The following MEGF6 variants were observed in gnomAD, a reference collection of about 807,000 sequenced individuals.
MEGF6 encodes the protein multiple EGF like domains 6, also known as multiple epidermal growth factor-like domains protein 6.
A neutral mutation model predicts 207.1 loss-of-function variants in MEGF6; 184 were observed. The observed-to-expected ratio is 0.89, with a 90% CI of 0.79 to 1.00. MEGF6 has a LOEUF of 1.00. Ranked by LOEUF, MEGF6 falls within the 50% of genes least tolerant of loss-of-function variation. The pLI is 0.00. For synonymous variants in MEGF6, 1,038 were observed against 910.0 expected (o/e 1.14, Z -2.53); for missense variants, 2,282 against 2,202.9 (o/e 1.04, Z -0.72).
At chr1:3,501,334 A>G (rs1640855111) in intron 18 of MEGF6, 26 bp from the exon 19 acceptor site, 2 of 1,580,246 alleles carry the variant, frequency 1.3e-6, no homozygotes, top group Non-Finnish European at 8.6e-7. Flanking sequence ...ATGGCCAGTC[A>G]GTGCCCAAGC....
At position 3,496,709 on chromosome 1, in the gene MEGF6, C is replaced by T. The variant is rs1343009518; in HGVS notation, c.3688G>A (p.Ala1230Thr). Residue 1230 changes from alanine to threonine, a missense_variant, in exon 29 of 37, where the codon GCC becomes ACC. Coordinates refer to ENST00000356575, the MANE Select transcript of MEGF6 (RefSeq NM_001409.4). ...GCLNGGSCDA[A>T]TGACRCPTGF... Reference sequence around the variant, plus strand: ...GTGGGGCAGCGGCAGGCCCCCGTGGCCGCATCACAGGAGCCCCCGTTGAGA... The same window carrying T: ...GTGGGGCAGCGGCAGGCCCCCGTGGTCGCATCACAGGAGCCCCCGTTGAGA... 3.8e-6 allele frequency: 6 copies of T among 1,560,438 alleles called. No individual in the cohort carries two copies. Among genetic ancestry groups the T allele is most frequent in the Non-Finnish European group, 4.3e-6 (5 of 1,152,936 alleles).
the MEGF6 span, among the ~76,000 whole-genome samples, chr1:3,620,395 G>C: frequency 3.3e-5 from 5 of 152,358 alleles, no homozygotes; most frequent in Admixed American, 6.5e-5. Flanking sequence ...AGAGGCCTTG[G>C]GGGCAAAATC....
chr1:3,615,749 A>AC (rs574071809), upstream of MEGF6, among the ~76,000 whole-genome samples: 104 of 151,694 alleles, frequency 6.9e-4, no homozygotes, highest in African/African-American at 2.4e-3. Flanking sequence ...CAGCCTCTCC[A>AC]CCCCCCACCC....
At position 3,611,193 on chromosome 1, in the gene MEGF6, C is replaced by G; in HGVS notation, c.76G>C (p.Val26Leu). 1.3e-6 allele frequency: 2 copies of G among 1,551,434 alleles called. No individual in the cohort carries two copies. Among genetic ancestry groups the G allele is most frequent in the African/African-American group, 1.4e-5 (1 of 70,868 alleles). Reference sequence around the variant, plus strand: ...GGCGGAACGCTGGCGCCCACGGGCACGGCGGGGAGCAGCAGCAGCACCAAC... The same window carrying G: ...GGCGGAACGCTGGCGCCCACGGGCAGGGCGGGGAGCAGCAGCAGCACCAAC... ...LALVLLLLPA[V>L]PVGASVPPRP... The change falls in exon 1 of 37, where the codon GTG becomes CTG. Residue 26 changes from valine (V) to leucine (L), a missense_variant. Coordinates refer to ENST00000356575, the MANE Select transcript of MEGF6 (RefSeq NM_001409.4).
chr1:3,507,765 T>G (rs895997244), intron 14 of MEGF6, 30 bp downstream of exon 14: 5 of 1,612,340 alleles, frequency 3.1e-6, no homozygotes, highest in Non-Finnish European at 4.2e-6. Flanking sequence ...CAGGGGTAAT[T>G]CCAGAAGCAC....
At chr1:3,512,488 C>T (rs1360997089) in intron 7 of MEGF6, among the ~76,000 whole-genome samples, 1 of 152,208 alleles carries the variant, frequency 6.6e-6, no homozygotes, top group Admixed American at 6.5e-5. Flanking sequence ...CAAATCTCAC[C>T]TTGAACTGTA....
At chr1:3,541,792 C>T (rs1388669323) in intron 4 of MEGF6, among the ~76,000 whole-genome samples, 3 of 152,208 alleles carry the variant, frequency 2.0e-5, no homozygotes, top group South Asian at 2.1e-4. Context: ...AAGGGCAGAG[C>T]GACAGACTCC....
At chr1:3,501,949 G>C (rs773819557) in intron 17 of MEGF6, 28 bp from the exon 18 acceptor site, 3 of 1,397,226 alleles carry the variant, frequency 2.1e-6, no homozygotes, top group South Asian at 1.2e-5. Context: ...AGGGGCCTTA[G>C]CCGCACCACG....
chr1:3,518,069 T>C (rs1329885133), intron 5 of MEGF6, among the ~76,000 whole-genome samples: 1 of 152,218 alleles, frequency 6.6e-6, no homozygotes, highest in Non-Finnish European at 1.5e-5. Context: ...CCAGATCAGA[T>C]GCAACTGACT....
chr1:3,529,371 A>C (rs1396598426), intron 4 of MEGF6, among the ~76,000 whole-genome samples: 1 of 152,178 alleles, frequency 6.6e-6, no homozygotes, highest in Non-Finnish European at 1.5e-5. Flanking sequence ...CTGGAGGCAA[A>C]TCCACTGTCC....
At chr1:3,498,882 GTCT>G (rs1199936567) in intron 24 of MEGF6, 56 bp from the exon 25 acceptor site, 421 of 1,535,826 alleles carry the variant, frequency 2.7e-4, no homozygotes, top group Non-Finnish European at 3.6e-4. Flanking sequence ...GCCCCACAGG[GTCT>G]GTCTGGCTTT....
At position 3,501,324 on chromosome 1, in the gene MEGF6, A is replaced by C; in HGVS notation, c.2315-16T>G. ...TCGGGACAATCTAGTGCCCACCCCC[A>C]TGGCCAGTCAGTGCCCAAGCTGCCC... On this transcript the variant is annotated splice_polypyrimidine_tract_variant and intron_variant, in intron 18 of 36. Transcript: ENST00000356575. 1 of 1,586,154 alleles carries C rather than the reference A, an allele frequency of 6.3e-7. No individual in the cohort carries two copies. Among genetic ancestry groups the C allele is most frequent in the South Asian group, 1.1e-5 (1 of 88,326 alleles).
At chr1:3,597,064 G>A (rs1404085088) in intron 2 of MEGF6, among the ~76,000 whole-genome samples, 6 of 152,164 alleles carry the variant, frequency 3.9e-5, no homozygotes, top group Admixed American at 1.3e-4. Flanking sequence ...CGCGGACCCC[G>A]CAGCCCCTGT....
At chr1:3,490,841 A>G in intron 36 of MEGF6, 71 bp downstream of exon 36, 1 of 1,519,266 alleles carries the variant, frequency 6.6e-7, no homozygotes, top group South Asian at 1.2e-5. Context: ...GATTATACTT[A>G]AGCACTCTTC....
intron 4 of MEGF6, among the ~76,000 whole-genome samples, chr1:3,562,030 C>T (rs948629873): frequency 5.9e-5 from 9 of 152,200 alleles, no homozygotes; most frequent in South Asian, 4.1e-4. Flanking sequence ...GGGAGGCCAG[C>T]GTCATGCTTA....
rs1640727755 is a variant in MEGF6 at position 3,498,824 on chromosome 1, A to G, written c.3097T>C (p.Cys1033Arg). Residue 1033 changes from cysteine to arginine, a missense_variant and splice_region_variant, in exon 25 of 37, where the codon TGC becomes CGC. Physicochemically the swap from Cys to Arg is radical, Grantham distance 180 (BLOSUM62 -3). Coordinates refer to ENST00000356575, the MANE Select transcript of MEGF6 (RefSeq NM_001409.4). ...GWMGPSCLQACPAGLYGDNCR... is the reference protein window; with the variant it reads ...GWMGPSCLQARPAGLYGDNCR... Reference sequence around the variant, plus strand: ...TTGTCGCCGTACAGGCCGGCAGGGCAGGCTGGGGCCAGGGAAGAGGGAGCA... The same window carrying G: ...TTGTCGCCGTACAGGCCGGCAGGGCGGGCTGGGGCCAGGGAAGAGGGAGCA... The G allele has an allele frequency of 1.3e-6, 2 of 1,551,596 alleles. No homozygotes were observed. The highest frequency in any genetic ancestry group is 2.4e-5 in the East Asian group (1 of 41,148).
Position 3,567,479 on chromosome 1 carries a change from C to T in MEGF6, c.481+12346G>A, listed in dbSNP as rs188485464. Among the ~76,000 whole-genome samples the T allele has an allele frequency of 1.7e-3, 263 of 152,318 alleles. 4 individuals are homozygous for T. The highest frequency in any genetic ancestry group is 5.7e-3 in the African/African-American group (238 of 41,576). ...AGACCCTGCGTGTTTATTGATTGCA[C>T]GTGGGCTGCGTGTGGCGGGGATCCC... On this transcript the variant is annotated intron_variant, in intron 4 of 36. Coordinates refer to ENST00000356575, the MANE Select transcript of MEGF6 (RefSeq NM_001409.4).
intron 4 of MEGF6, among the ~76,000 whole-genome samples, chr1:3,530,410 C>G (rs1365103645): frequency 6.6e-6 from 1 of 152,198 alleles, no homozygotes; most frequent in Non-Finnish European, 1.5e-5. Flanking sequence ...GCCGCAAACC[C>G]CACACTCCCT....
rs770730130 is a variant in MEGF6, at chr1:3,495,923, G to C, written c.3838C>G (p.Pro1280Ala). 1.9e-6 allele frequency: 3 copies of C among 1,597,088 alleles called. No individual in the cohort carries two copies. The highest frequency in any genetic ancestry group is 2.5e-6 in the Non-Finnish European group (3 of 1,178,794). Residue 1280 changes from proline (P) to alanine (A), a missense_variant, in exon 30 of 37, where the codon CCC (proline) becomes GCC (alanine). By Grantham distance (27) the Pro-to-Ala change is conservative. Coordinates refer to ENST00000356575, the MANE Select transcript of MEGF6 (RefSeq NM_001409.4). Reference protein sequence around the residue: ...CDPVTGTCLCPPGRAGVRCER... With the variant: ...CDPVTGTCLCAPGRAGVRCER... ...CAGCGGACGCCGGCTCTCCCCGGGG[G>C]GCAGAGGCAGGTGCCGGTCACAGGG...
Sources: gnomAD v4.1 joint callset for allele counts (sites outside exome capture counted in the v4.1 genomes callset) on GRCh38, gnomAD v4.1.1 for gene constraint, MANE v1.5 for transcripts, NCBI Gene and HGNC (gene_info 2026-07-23, HGNC 2026-07-21) for gene names.